Variants in TTC19 observed in about 807,000 individuals in gnomAD.
TTC19 encodes the protein tetratricopeptide repeat domain 19.
TTC19 carries 38 observed loss-of-function variants against 49.5 expected under a neutral mutation model. The ratio of observed to expected loss-of-function variants is 0.77; its 90% CI spans 0.59 to 1.01. The LOEUF (loss-of-function observed/expected upper bound fraction) is 1.01. Among genes scored for constraint, TTC19 ranks in the 50% least tolerant of loss-of-function variants. The pLI is 0.00. For missense variants in TTC19, 475 were observed against 477.7 expected (o/e 0.99, Z 0.05); for synonymous variants, 204 against 185.2 (o/e 1.10, Z -0.83).
chr17:16,009,613 C>G (rs1435429759), intron 7 of TTC19, among the ~76,000 whole-genome samples: 1 of 151,924 alleles, frequency 6.6e-6, no homozygotes, highest in African/African-American at 2.4e-5. Context: ...TTACATGATT[C>G]TTCATCTTAT....
chr17:16,043,419 C>A (rs949752740), intron 2 of TTC19, among the ~76,000 whole-genome samples: 2 of 152,078 alleles, frequency 1.3e-5, no homozygotes, highest in African/African-American at 4.8e-5. Flanking sequence ...AAAAAAATCC[C>A]AGACTCTAAA....
chr17:16,014,276 A>G, intron 7 of TTC19, among the ~76,000 whole-genome samples: 1 of 152,202 alleles, frequency 6.6e-6, no homozygotes, highest in East Asian at 1.9e-4. Flanking sequence ...GGCAAGAAAA[A>G]TGGATTATCA....
chr17:16,007,376 CT>C (rs147970519), intron 7 of TTC19, among the ~76,000 whole-genome samples: 8,956 of 152,270 alleles, frequency 0.059, 384 homozygotes, highest in African/African-American at 0.12. Flanking sequence ...TAACTATATA[CT>C]GTTAACAGTG....
At chr17:16,027,129 C>T (rs1052142826) in intron 9 of TTC19, 9 of 554,762 alleles carry the variant, frequency 1.6e-5, no homozygotes, top group Non-Finnish European at 2.9e-5. Flanking sequence ...ATTACACATA[C>T]CACCATTCAT....
chr17:16,014,075 G>A lies in TTC19; in HGVS notation c.676+7507G>A, dbSNP rs532277428. Among the ~76,000 whole-genome samples, 3 of 152,250 alleles carry A rather than the reference G, an allele frequency of 2.0e-5. No individual in the cohort carries two copies. In the East Asian group the frequency reaches 5.8e-4, roughly 29 times the overall value. On this transcript the variant is annotated intron_variant, in intron 7 of 9. Transcript: ENST00000261647. ...ATTGGCTTTTTCCCCATGCTCCCCT[G>A]GTGGTTGAAACGTGAAACTATAACA...
chr17:16,027,165 C>T, intron 9 of TTC19: 1 of 606,836 alleles, frequency 1.6e-6, no homozygotes, highest in South Asian at 1.9e-5. Flanking sequence ...TCAAAGTCCT[C>T]AGGATATACT....
Position 16,029,289 on chromosome 17 carries a change from T to C in TTC19, c.*1767T>C. 1 of 451,846 alleles carries C rather than the reference T, an allele frequency of 2.2e-6. No homozygotes were observed. The highest frequency in any genetic ancestry group is 4.4e-6 in the Non-Finnish European group (1 of 226,178). 28.0% of individuals were successfully genotyped at this position (451,846 alleles called of 1,614,324 possible). ...TGTGGGTGTTTTCATTACAGTTCAT[T>C]TACACTGTTGTAAAATAAGGTACTG... On this transcript the variant is annotated 3_prime_UTR_variant, in exon 10 of 10. Transcript: ENST00000261647.
intron 2 of TTC19, chr17:16,039,667 C>G (rs772022058): frequency 6.2e-7 from 1 of 1,605,552 alleles, no homozygotes; most frequent in Non-Finnish European, 8.5e-7. Flanking sequence ...GAAAGAGAAT[C>G]AAAAACATTT....
intron 7 of TTC19, chr17:16,023,562 C>T (rs866724620): frequency 2.6e-5 from 4 of 152,142 alleles, no homozygotes; most frequent in Admixed American, 6.5e-5. Context: ...CATGCCTACG[C>T]GTGATGTTAA....
At position 16,027,673 on chromosome 17, in the gene TTC19, A is replaced by G. The variant is rs1287823646; in HGVS notation, c.*151A>G. On this transcript the variant is annotated 3_prime_UTR_variant, in exon 10 of 10. Coordinates refer to ENST00000261647, the MANE Select transcript of TTC19 (RefSeq NM_017775.4). ...CCTTAGTGAAGGAGGGGTTGTACAC[A>G]CTGCCATTTTTGTATTTTAAAGGAA... 1 of 865,850 alleles carries G rather than the reference A, an allele frequency of 1.2e-6. No individual in the cohort carries two copies. The highest frequency in any genetic ancestry group is 1.4e-5 in the South Asian group (1 of 70,578). 53.6% of individuals were successfully genotyped at this position (865,850 alleles called of 1,614,324 possible). A position where few individuals can be genotyped will look rare whatever the true frequency, so the allele number is the denominator to read the frequency against.
intron 7 of TTC19, among the ~76,000 whole-genome samples, chr17:16,022,061 T>C (rs1971401751): frequency 6.7e-6 from 1 of 149,652 alleles, no homozygotes; most frequent in South Asian, 2.1e-4. Flanking sequence ...AGTGGTGCAA[T>C]TTTTTTCACA....
chr17:16,040,811 C>G, intron 2 of TTC19: 1 of 324,716 alleles, frequency 3.1e-6, no homozygotes, highest in Non-Finnish European at 5.9e-6. Flanking sequence ...GGTAGGACTG[C>G]TTGAGCATAG....
At chr17:16,015,087 T>C (rs116302508) in intron 7 of TTC19, among the ~76,000 whole-genome samples, 2,094 of 152,340 alleles carry the variant, frequency 0.014, 42 homozygotes, top group African/African-American at 0.048. Flanking sequence ...GTTTGTATTA[T>C]TTGTTATCGC....
At chr17:16,000,080 C>T (rs1261696847) in intron 1 of TTC19, 38 bp from the exon 2 acceptor site, 12 of 1,368,716 alleles carry the variant, frequency 8.8e-6, no homozygotes, top group Non-Finnish European at 1.1e-5. Context: ...GACAGGGGCG[C>T]GGGCCGGGCC....
chr17:16,014,635 C>T lies in TTC19; in HGVS notation c.676+8067C>T, dbSNP rs1033105316. On this transcript the variant is annotated intron_variant, in intron 7 of 9. Transcript: ENST00000261647. The stretch of plus-strand genomic sequence containing the variant: ...GCCAACATGATGCATAAAGAAAGTA[C>T]GCATTGGAGCATTTGGATTTGGGTT... Among the ~76,000 whole-genome samples the T allele has an allele frequency of 4.6e-5, 7 of 152,188 alleles. No individual in the cohort carries two copies. The South Asian group carries it at 8.3e-4, about 18-fold the overall frequency.
rs150053442 is a variant in TTC19 at position 16,009,198 on chromosome 17, CAAGT to C, written c.676+2635_676+2638del. 1.2e-3 allele frequency among the ~76,000 whole-genome samples: 183 copies of C among 152,338 alleles called. 3 individuals are homozygous for C. In the East Asian group the frequency reaches 0.031, roughly 26 times the overall value. On this transcript the variant is annotated intron_variant, in intron 7 of 9. Transcript: ENST00000261647. ...GAGGTGTAAAAACAAGTCTAGCTGT[CAAGT>C]AAGTCACTTCTGAACTATTTACACC...
chr17:16,006,531 T>G lies in TTC19; in HGVS notation c.639T>G (p.Ile213Met). The G allele has an allele frequency of 6.2e-7, 1 of 1,613,738 alleles. No homozygotes were observed. The highest frequency in any genetic ancestry group is 8.5e-7 in the Non-Finnish European group (1 of 1,179,702). ...GCATTTCAACTCTAGAGGAAAAAAT[T>G]GAAAGAGAAAAGGAATTAGCAGAAG... ...EFCISTLEEK[I>M]EREKELAEDI... The change falls in exon 7 of 10, where the codon ATT (isoleucine) becomes ATG (methionine). Residue 213 changes from isoleucine to methionine, a missense_variant. Coordinates refer to ENST00000261647, the MANE Select transcript of TTC19 (RefSeq NM_017775.4).
chr17:16,040,714 T>C (rs777322734), intron 2 of TTC19: 8 of 564,168 alleles, frequency 1.4e-5, no homozygotes, highest in Non-Finnish European at 1.9e-5. Context: ...AATCAGGAAA[T>C]AGGTAAGGTA....
In TTC19 at chr17:16,006,566, C is replaced by A; in HGVS notation, c.674C>A (p.Ser225Ter). Residue 225 changes from serine (S) to a stop codon, truncating the protein, a stop_gained and splice_region_variant, in exon 7 of 10, where the codon TCA (serine) becomes TAA (stop). Coordinates refer to ENST00000261647, the MANE Select transcript of TTC19 (RefSeq NM_017775.4). LOFTEE classifies it high-confidence loss of function. The part of the protein sequence containing the change: ...REKELAEDIM[S>*]VEEKANTHLL... ...AAGGAATTAGCAGAAGACATTATGTCAGGTAGGAAACCCATTATCTGGGCA... is the reference window on the plus strand; with the variant it reads ...AAGGAATTAGCAGAAGACATTATGTAAGGTAGGAAACCCATTATCTGGGCA... 6.3e-7 allele frequency: 1 copy of A among 1,598,128 alleles called. No homozygotes were observed. Among genetic ancestry groups the A allele is most frequent in the South Asian group, 1.1e-5 (1 of 90,774 alleles).
Sources: gnomAD v4.1 joint callset for allele counts (sites outside exome capture counted in the v4.1 genomes callset) on GRCh38, gnomAD v4.1.1 for gene constraint, MANE v1.5 for transcripts, NCBI Gene and HGNC (gene_info 2026-07-23, HGNC 2026-07-21) for gene names.